Variants in AK2 observed in about 807,000 individuals in gnomAD.
AK2 encodes the protein adenylate kinase 2.
A neutral mutation model predicts 24.6 loss-of-function variants in AK2; 15 were observed. The ratio of observed to expected loss-of-function variants is 0.61; its 90% confidence interval spans 0.41 to 0.94. The LOEUF (loss-of-function observed/expected upper bound fraction) is 0.94. AK2 is among the 40% of genes least tolerant of loss of function. The pLI, the probability that AK2 is intolerant of heterozygous loss-of-function variation, is 0.00. For synonymous variants in AK2, 102 were observed against 114.0 expected (o/e 0.90, Z 0.67); for missense variants, 257 against 304.1 (o/e 0.85, Z 1.15).
intron 1 of AK2, among the ~76,000 whole-genome samples, chr1:33,026,248 G>C (rs753103518): frequency 2.0e-5 from 3 of 151,930 alleles, no homozygotes; most frequent in Non-Finnish European, 4.4e-5. Context: ...ACCCAGGCTG[G>C]AGTGCAGTGG....
intron 1 of AK2, among the ~76,000 whole-genome samples, chr1:33,030,246 T>C (rs1640155863): frequency 6.6e-6 from 1 of 152,242 alleles, no homozygotes. Flanking sequence ...TTTTCTGTAG[T>C]ATACTTCTGA....
intron 1 of AK2, 75 bp downstream of exon 1, chr1:33,036,661 G>T (rs1356100049): frequency 1.4e-6 from 2 of 1,393,674 alleles, no homozygotes. Flanking sequence ...GGCAGGTCCA[G>T]GGCTTCTAGA....
Position 33,013,005 on chromosome 1 carries a change from A to T in AK2, c.*176T>A. The T allele has an allele frequency of 2.5e-6, 4 of 1,593,922 alleles. No homozygotes were observed. The highest frequency in any genetic ancestry group is 3.4e-6 in the Non-Finnish European group (4 of 1,176,714). On this transcript the variant is annotated 3_prime_UTR_variant, in exon 6 of 6. Transcript: ENST00000672715. Reference sequence around the variant, plus strand: ...GCATGCACACACACACACACACAACACACATACACACAGATGAGAGTAGCA... The same window carrying T: ...GCATGCACACACACACACACACAACTCACATACACACAGATGAGAGTAGCA...
intron 1 of AK2, among the ~76,000 whole-genome samples, chr1:33,027,356 T>G (rs1208840179): frequency 1.3e-5 from 2 of 152,140 alleles, no homozygotes; most frequent in African/African-American, 4.8e-5. Flanking sequence ...CCTGTTCTAT[T>G]TTTATCACTC....
chr1:33,008,436 G>A lies in AK2; in HGVS notation c.*4745C>T. 1 of 454,064 alleles carries A rather than the reference G, an allele frequency of 2.2e-6. No individual in the cohort carries two copies. The highest frequency in any genetic ancestry group is 4.4e-6 in the Non-Finnish European group (1 of 226,768). 28.1% of individuals were successfully genotyped at this position (454,064 alleles called of 1,614,324 possible). On this transcript the variant is annotated 3_prime_UTR_variant, in exon 6 of 6. Transcript: ENST00000672715. ...ACTTTGTGCACACAGGAGATCCTAA[G>A]ACACATACCCTAGGCCCTCAGAGCC...
intron 1 of AK2, among the ~76,000 whole-genome samples, chr1:33,034,445 T>C (rs903016529): frequency 1.5e-5 from 2 of 132,964 alleles, no homozygotes; most frequent in African/African-American, 3.3e-5. Flanking sequence ...TTGTGGGTGC[T>C]TGATACACAC....
At position 33,010,812 on chromosome 1, in the gene AK2, C is replaced by T. The variant is rs190429299; in HGVS notation, c.*2369G>A. The T allele has an allele frequency of 1.4e-4, 229 of 1,614,240 alleles. 1 individual carries two copies. In the South Asian group the frequency reaches 1.5e-3, roughly 11 times the overall value. ...GGGGTGATGAGCAGTGTTGCAGTCT[C>T]GCCTGGCCTTCTGATACTAGGCTGA... On this transcript the variant is annotated 3_prime_UTR_variant, in exon 6 of 6. Coordinates refer to ENST00000672715, the MANE Select transcript of AK2 (RefSeq NM_001625.4).
chr1:33,032,680 G>C (rs955062454), intron 1 of AK2, among the ~76,000 whole-genome samples: 2 of 152,166 alleles, frequency 1.3e-5, no homozygotes, highest in African/African-American at 4.8e-5. Flanking sequence ...TCCTCAGGGA[G>C]AGCACAGCAC....
Position 33,010,672 on chromosome 1 carries a change from T to C in AK2, c.*2509A>G, listed in dbSNP as rs776304299. 929 of 1,580,992 alleles carry C rather than the reference T, an allele frequency of 5.9e-4. No individual in the cohort carries two copies. The highest frequency in any genetic ancestry group is 7.6e-4 in the Non-Finnish European group (885 of 1,160,222). ...TATAAAAGAAACTGCCACACTACAA[T>C]AACACTGCTGTTGTTCCAAGTATTC... On this transcript the variant is annotated 3_prime_UTR_variant, in exon 6 of 6. Coordinates refer to ENST00000672715, the MANE Select transcript of AK2 (RefSeq NM_001625.4).
chr1:33,015,268 A>C (rs905906110), intron 4 of AK2, among the ~76,000 whole-genome samples: 1 of 152,242 alleles, frequency 6.6e-6, no homozygotes, highest in African/African-American at 2.4e-5. Context: ...ATCGGGAAAA[A>C]TGACTTATTA....
intron 1 of AK2, among the ~76,000 whole-genome samples, chr1:33,035,809 TA>T (rs988796338): frequency 6.6e-6 from 1 of 152,120 alleles, no homozygotes; most frequent in Non-Finnish European, 1.5e-5. Context: ...CTCATTTCAC[TA>T]ATTTGGGAAA....
At position 33,011,537 on chromosome 1, in the gene AK2, G is replaced by A; in HGVS notation, c.*1644C>T. Reference sequence around the variant, plus strand: ...AGATAAGACCTCTGGTAGTCTCACAGATGGCAGGAGAGCTCAGGTCAGGAG... The same window carrying A: ...AGATAAGACCTCTGGTAGTCTCACAAATGGCAGGAGAGCTCAGGTCAGGAG... On this transcript the variant is annotated 3_prime_UTR_variant, in exon 6 of 6. Coordinates refer to ENST00000672715, the MANE Select transcript of AK2 (RefSeq NM_001625.4). 4.7e-6 allele frequency: 6 copies of A among 1,287,570 alleles called. No individual in the cohort carries two copies. Among genetic ancestry groups the A allele is most frequent in the Non-Finnish European group, 6.1e-6 (6 of 988,934 alleles). 79.8% of individuals were successfully genotyped at this position (1,287,570 alleles called of 1,614,324 possible).
chr1:33,030,267 C>T (rs958508386), intron 1 of AK2, among the ~76,000 whole-genome samples: 1 of 152,234 alleles, frequency 6.6e-6, no homozygotes, highest in Admixed American at 6.5e-5. Context: ...GTACATTTCT[C>T]CCATCAAAAG....
At chr1:33,029,413 T>G (rs1640104767) in intron 1 of AK2, 1 of 148,916 alleles carries the variant, frequency 6.7e-6, no homozygotes, top group Admixed American at 6.7e-5. Flanking sequence ...GTTGAACTTT[T>G]TTTTTTTTTT....
At chr1:33,019,724 A>T in intron 4 of AK2, 3 of 1,038,288 alleles carry the variant, frequency 2.9e-6, no homozygotes, top group Non-Finnish European at 3.5e-6. Flanking sequence ...CAAAGTAATA[A>T]TGTCTGAAAT....
chr1:33,011,759 G>A lies in AK2; in HGVS notation c.*1422C>T. The A allele has an allele frequency of 2.1e-6, 3 of 1,400,510 alleles. No homozygotes were observed. Among genetic ancestry groups the A allele is most frequent in the Non-Finnish European group, 2.8e-6 (3 of 1,062,670 alleles). 86.8% of individuals were successfully genotyped at this position (1,400,510 alleles called of 1,614,324 possible). A position where few individuals can be genotyped will look rare whatever the true frequency, so the allele number is the denominator to read the frequency against. ...AGACCAAAAGACAGCAGGGACCTTAGAAAATGCTCAATAGTTGGGAAGCTA... is the reference window on the plus strand; with the variant it reads ...AGACCAAAAGACAGCAGGGACCTTAAAAAATGCTCAATAGTTGGGAAGCTA... On this transcript the variant is annotated 3_prime_UTR_variant, in exon 6 of 6. Transcript: ENST00000672715.
chr1:33,033,835 G>A (rs375924628), intron 1 of AK2, among the ~76,000 whole-genome samples: 2 of 152,098 alleles, frequency 1.3e-5, no homozygotes, highest in African/African-American at 4.8e-5. Flanking sequence ...GTCTCTGCAG[G>A]CTAAATGTTA....
At position 33,036,850 on chromosome 1, in the gene AK2, C is replaced by A. The variant is rs1211523234; in HGVS notation, c.-22G>T. Reference sequence around the variant, plus strand: ...CCATGTCCGCCGAAGTCTCTCACTGCCACCAGTTCGCACGCCTCACAGGTC... The same window carrying A: ...CCATGTCCGCCGAAGTCTCTCACTGACACCAGTTCGCACGCCTCACAGGTC... On this transcript the variant is annotated 5_prime_UTR_variant, in exon 1 of 6. Transcript: ENST00000672715. The A allele has an allele frequency of 6.4e-6, 10 of 1,570,060 alleles. No homozygotes were observed. Among genetic ancestry groups the A allele is most frequent in the Non-Finnish European group, 7.8e-6 (9 of 1,157,076 alleles).
Position 33,008,628 on chromosome 1 carries a change from C to G in AK2, c.*4553G>C, listed in dbSNP as rs552674179. The stretch of plus-strand genomic sequence containing the variant: ...GTTAGAGACTGTGTTTCAGTCCTGA[C>G]TGCCTCTTATGCATGACCTCAGGAA... On this transcript the variant is annotated 3_prime_UTR_variant, in exon 6 of 6. Coordinates refer to ENST00000672715, the MANE Select transcript of AK2 (RefSeq NM_001625.4). 5.3e-5 allele frequency: 24 copies of G among 454,118 alleles called. No individual in the cohort carries two copies. The highest frequency in any genetic ancestry group is 6.9e-4 in the Middle Eastern group (1 of 1,444). The allele number at this position is 454,118 out of a possible 1,614,324, so 28.1% of individuals were successfully genotyped here. A position where few individuals can be genotyped will look rare whatever the true frequency, so the allele number is the denominator to read the frequency against.
Sources: allele counts gnomAD v4.1 joint callset (sites outside exome capture counted in the v4.1 genomes callset), GRCh38; gene constraint gnomAD v4.1.1; transcripts MANE v1.5; gene names NCBI Gene and HGNC (gene_info 2026-07-23, HGNC 2026-07-21).